Variants in COL24A1 observed in about 807,000 individuals in gnomAD.
COL24A1 encodes collagen type XXIV alpha 1 chain, also known as collagen alpha-1(XXIV) chain.
COL24A1 carries 224 observed loss-of-function variants against 253.9 expected under a neutral mutation model. The ratio of observed to expected loss-of-function variants is 0.88; its 90% CI spans 0.79 to 0.99. The LOEUF is 0.99. COL24A1 is among the 50% of genes least tolerant of loss of function. The probability of loss-of-function intolerance (pLI) is 0.00; values close to 1 mark genes in which losing one functional copy is unlikely to be tolerated. For synonymous variants in COL24A1, 685 were observed against 673.7 expected (o/e 1.02, Z -0.26); for missense variants, 2,131 against 2,068.5 (o/e 1.03, Z -0.59).
chr1:86,154,143 C>T (rs114813328), intron 1 of COL24A1: 59 of 152,150 alleles, frequency 3.9e-4, no homozygotes, highest in African/African-American at 1.2e-3. Flanking sequence ...CCAGCCCCCC[C>T]GCCCCACCCC....
At chr1:85,872,573 A>C (rs1484200704) in intron 35 of COL24A1, among the ~76,000 whole-genome samples, 1 of 152,196 alleles carries the variant, frequency 6.6e-6, no homozygotes, top group African/African-American at 2.4e-5. Context: ...ACCTGACAAA[A>C]ACAAGAAATA....
intron 22 of COL24A1, 113 bp downstream of exon 22, chr1:85,970,114 T>G (rs972712731): frequency 1.0e-6 from 1 of 954,586 alleles, no homozygotes; most frequent in Non-Finnish European, 1.5e-6. Flanking sequence ...GACTTTAATT[T>G]GTTTTCATTT....
At chr1:85,997,055 G>GTGTGTGTGTGTGTGTGTGTATATA in intron 19 of COL24A1, among the ~76,000 whole-genome samples, 1 of 95,088 alleles carries the variant, frequency 1.1e-5, no homozygotes, top group Admixed American at 1.1e-4. Flanking sequence ...GTGTGTGTGT[G>GTGTGTGTGTGTGTGTGTGTATATA]TATATATATA....
chr1:86,059,961 GA>G (rs1461290974), intron 8 of COL24A1, among the ~76,000 whole-genome samples: 3 of 152,122 alleles, frequency 2.0e-5, no homozygotes, highest in African/African-American at 4.8e-5. Flanking sequence ...TCAGCCTCCA[GA>G]ATTGCGAGAA....
chr1:85,812,228 C>T (rs1018371994), intron 47 of COL24A1, among the ~76,000 whole-genome samples: 9 of 152,230 alleles, frequency 5.9e-5, no homozygotes, highest in Admixed American at 2.0e-4. Context: ...GGCCCTAGCA[C>T]GTCTGGAAAG....
intron 41 of COL24A1, 62 bp from the exon 42 acceptor site, chr1:85,841,340 C>G (rs1178010748): frequency 8.7e-7 from 1 of 1,143,502 alleles, no homozygotes; most frequent in African/African-American, 1.6e-5. Context: ...CAAAAACACA[C>G]AACCTACTAT....
chr1:85,945,295 A>G (rs925822515), intron 24 of COL24A1, among the ~76,000 whole-genome samples: 4 of 151,716 alleles, frequency 2.6e-5, no homozygotes, highest in Non-Finnish European at 5.9e-5. Flanking sequence ...CTGGGATTAC[A>G]GGTGTGAGCC....
At chr1:86,033,772 G>A in intron 13 of COL24A1, 98 bp downstream of exon 13, 1 of 1,093,168 alleles carries the variant, frequency 9.1e-7, no homozygotes, top group East Asian at 2.8e-5. Context: ...TTTTCCAATA[G>A]TGTTTATTCA....
chr1:86,008,334 T>G (rs1696158694), intron 19 of COL24A1, among the ~76,000 whole-genome samples: 1 of 152,128 alleles, frequency 6.6e-6, no homozygotes, highest in South Asian at 2.1e-4. Context: ...AACTTCTGCC[T>G]CCTGGGCTCA....
chr1:85,971,692 G>T (rs973554091), intron 20 of COL24A1, among the ~76,000 whole-genome samples: 3 of 152,148 alleles, frequency 2.0e-5, no homozygotes, highest in Non-Finnish European at 1.5e-5. Flanking sequence ...GGGTCCAAAT[G>T]TTAAACTGAT....
chr1:85,866,386 T>C (rs1401372940), intron 37 of COL24A1, among the ~76,000 whole-genome samples: 2 of 152,192 alleles, frequency 1.3e-5, no homozygotes, highest in Non-Finnish European at 2.9e-5. Flanking sequence ...AGTTGTAAAA[T>C]AGGGAATAAT....
chr1:85,733,512 T>C (rs141558007), intron 59 of COL24A1, among the ~76,000 whole-genome samples: 10 of 152,318 alleles, frequency 6.6e-5, no homozygotes, highest in African/African-American at 2.4e-4. Flanking sequence ...CTGTTGAACA[T>C]AGTTTGCCAA....
intron 41 of COL24A1, 44 bp from the exon 42 acceptor site, chr1:85,841,322 AT>A: frequency 7.4e-7 from 1 of 1,350,370 alleles, no homozygotes; most frequent in African/African-American, 1.5e-5. Flanking sequence ...AATAAATAAA[AT>A]AAACATCAAA....
At chr1:85,917,608 T>C (rs1020825156) in intron 24 of COL24A1, among the ~76,000 whole-genome samples, 2 of 152,120 alleles carry the variant, frequency 1.3e-5, no homozygotes, top group Non-Finnish European at 2.9e-5. Context: ...AATTTATTTT[T>C]TCCCATTAAG....
intron 11 of COL24A1, among the ~76,000 whole-genome samples, chr1:86,048,052 T>C (rs1368147136): frequency 2.0e-5 from 3 of 152,206 alleles, no homozygotes; most frequent in African/African-American, 7.2e-5. Flanking sequence ...ACTTTATGTA[T>C]ATTTACATAA....
At chr1:85,842,023 C>T in intron 41 of COL24A1, 45 bp downstream of exon 41, 2 of 1,528,284 alleles carry the variant, frequency 1.3e-6, no homozygotes, top group Non-Finnish European at 1.8e-6. Flanking sequence ...AATTCATGAA[C>T]TCAATGTTTA....
intron 5 of COL24A1, among the ~76,000 whole-genome samples, chr1:86,104,012 G>C (rs11161734): frequency 0.3 from 46,310 of 151,948 alleles, 8,211 homozygotes; most frequent in Non-Finnish European, 0.39. Context: ...ATCTCTTTCA[G>C]CAATACCAAT....
Position 86,046,881 on chromosome 1 carries a change from A to C in COL24A1, c.1906-12T>G, listed in dbSNP as rs765479803. ...ATCCCAGGAATGCCCTAGAATATAG[A>C]AAAGAAAAAGGAAATATTTGTTGAA... On this transcript the variant is annotated splice_polypyrimidine_tract_variant and intron_variant, in intron 11 of 59. Transcript: ENST00000370571. The C allele has an allele frequency of 1.3e-5, 18 of 1,385,370 alleles. No individual in the cohort carries two copies. The East Asian group carries it at 4.1e-4, about 32-fold the overall frequency. The allele number at this position is 1,385,370 out of a possible 1,614,324, so 85.8% of individuals were successfully genotyped here. A position where few individuals can be genotyped will look rare whatever the true frequency, so the allele number is the denominator to read the frequency against.
chr1:86,064,773 A>T (rs567248067), intron 7 of COL24A1, among the ~76,000 whole-genome samples: 7 of 152,260 alleles, frequency 4.6e-5, no homozygotes, highest in Admixed American at 1.3e-4. Flanking sequence ...GGATTAATGG[A>T]TTAGAGAAGG....
Sources: gnomAD v4.1 joint callset for allele counts (sites outside exome capture counted in the v4.1 genomes callset) on GRCh38, gnomAD v4.1.1 for gene constraint, MANE v1.5 for transcripts, NCBI Gene and HGNC (gene_info 2026-07-23, HGNC 2026-07-21) for gene names.